Variants in TDRD3 observed in about 807,000 individuals in gnomAD.
TDRD3 encodes tudor domain containing 3.
In TDRD3, 45 loss-of-function variants were observed where a neutral mutation model predicts 86.7. That is an observed-to-expected ratio of 0.52 (90% CI 0.41 to 0.67). The LOEUF is 0.67. Among genes scored for constraint, TDRD3 ranks in the 30% least tolerant of loss-of-function variants. The pLI is 0.00. For missense variants in TDRD3, 814 were observed against 889.0 expected (o/e 0.92, Z 1.07); for synonymous variants, 298 against 301.7 (o/e 0.99, Z 0.13).
chr13:60,397,216 C>T (rs1045274507), upstream of TDRD3: 17 of 436,154 alleles, frequency 3.9e-5, no homozygotes, highest in African/African-American at 3.3e-4. Context: ...GAAGCGCCGG[C>T]CGCACTGAGC....
chr13:60,497,682 G>C (rs1956747707), intron 8 of TDRD3, among the ~76,000 whole-genome samples: 1 of 152,202 alleles, frequency 6.6e-6, no homozygotes, highest in African/African-American at 2.4e-5. Flanking sequence ...TGAGGGCATT[G>C]GTTGGAAAAG....
intron 5 of TDRD3, among the ~76,000 whole-genome samples, chr13:60,469,454 ACG>A (rs1010472337): frequency 4.6e-5 from 7 of 151,858 alleles, no homozygotes; most frequent in African/African-American, 1.7e-4. Context: ...ACACACACAC[ACG>A]GAGTTTAGTA....
intron 12 of TDRD3, among the ~76,000 whole-genome samples, chr13:60,556,091 C>T (rs1366347511): frequency 6.6e-6 from 1 of 152,116 alleles, no homozygotes; most frequent in Non-Finnish European, 1.5e-5. Flanking sequence ...CGTGATCTGC[C>T]TGCCTCGGCC....
chr13:60,504,020 T>A (rs1956886176), intron 8 of TDRD3, among the ~76,000 whole-genome samples: 1 of 152,216 alleles, frequency 6.6e-6, no homozygotes, highest in Non-Finnish European at 1.5e-5. Context: ...CAATGCTCAA[T>A]TTATGAAAAG....
At chr13:60,460,579 T>G in intron 4 of TDRD3, 39 bp downstream of exon 4, 4 of 1,494,636 alleles carry the variant, frequency 2.7e-6, no homozygotes, top group Non-Finnish European at 3.5e-6. Flanking sequence ...TTACAGAATG[T>G]TGAAGGTGCT....
At chr13:60,499,413 G>A (rs990777892) in intron 8 of TDRD3, among the ~76,000 whole-genome samples, 1 of 152,218 alleles carries the variant, frequency 6.6e-6, no homozygotes, top group South Asian at 2.1e-4. Flanking sequence ...TGGTCCATAA[G>A]GTCCACCCGA....
chr13:60,507,145 C>T (rs1956956182), intron 8 of TDRD3, among the ~76,000 whole-genome samples: 2 of 152,148 alleles, frequency 1.3e-5, no homozygotes, highest in Admixed American at 1.3e-4. Context: ...GCAAGAAGAG[C>T]TAACTATCCC....
intron 12 of TDRD3, among the ~76,000 whole-genome samples, chr13:60,566,283 A>G (rs922433406): frequency 1.3e-5 from 2 of 151,406 alleles, no homozygotes; most frequent in East Asian, 1.9e-4. Flanking sequence ...TTTTAAGACT[A>G]CTTTGCAGGA....
intron 1 of TDRD3, among the ~76,000 whole-genome samples, chr13:60,401,735 CT>C (rs1423672905): frequency 6.6e-6 from 1 of 152,146 alleles, no homozygotes; most frequent in African/African-American, 2.4e-5. Context: ...CAAAGGTCTC[CT>C]TCTTACCTCT....
chr13:60,428,561 A>G (rs61970125), intron 1 of TDRD3, among the ~76,000 whole-genome samples: 22,883 of 152,252 alleles, frequency 0.15, 2,162 homozygotes, highest in South Asian at 0.28. Context: ...TGTTTATACA[A>G]TAGTGCAGTG....
intron 1 of TDRD3, among the ~76,000 whole-genome samples, chr13:60,415,415 G>A (rs547203119): frequency 4.6e-5 from 7 of 151,676 alleles, no homozygotes; most frequent in South Asian, 2.1e-4. Flanking sequence ...GAATCTTTAC[G>A]CTTCAGCCAA....
At chr13:60,559,854 G>A (rs761439872) in intron 12 of TDRD3, among the ~76,000 whole-genome samples, 5 of 152,146 alleles carry the variant, frequency 3.3e-5, no homozygotes, top group Non-Finnish European at 7.4e-5. Context: ...TGTATTGTAT[G>A]CTTGAAATTT....
intron 1 of TDRD3, 38 bp downstream of exon 1, chr13:60,397,443 G>A: frequency 6.8e-7 from 1 of 1,473,748 alleles, no homozygotes; most frequent in South Asian, 1.3e-5. Context: ...GGCCGCGGGT[G>A]CGGGCCGGGG....
intron 1 of TDRD3, among the ~76,000 whole-genome samples, chr13:60,430,923 A>G (rs1954940235): frequency 6.6e-6 from 1 of 152,150 alleles, no homozygotes; most frequent in African/African-American, 2.4e-5. Flanking sequence ...TATTGAAATA[A>G]TGCTGAAAAT....
chr13:60,541,430 G>C (rs1490538250), intron 12 of TDRD3, among the ~76,000 whole-genome samples: 1 of 152,052 alleles, frequency 6.6e-6, no homozygotes. Context: ...GCCTCCGAAA[G>C]TGCTGGGATT....
At chr13:60,433,581 G>A (rs1955007853) in intron 1 of TDRD3, among the ~76,000 whole-genome samples, 1 of 152,200 alleles carries the variant, frequency 6.6e-6, no homozygotes, top group African/African-American at 2.4e-5. Flanking sequence ...AACACTGTAT[G>A]TCAGAGACAA....
chr13:60,432,885 A>T (rs1238601473), intron 1 of TDRD3, among the ~76,000 whole-genome samples: 4 of 152,070 alleles, frequency 2.6e-5, no homozygotes, highest in African/African-American at 9.7e-5. Context: ...TTTGGATATC[A>T]TGTGCGGGGG....
chr13:60,533,219 C>T (rs943511375), intron 11 of TDRD3, among the ~76,000 whole-genome samples: 28 of 152,146 alleles, frequency 1.8e-4, no homozygotes, highest in African/African-American at 6.8e-4. Flanking sequence ...TCACTTAATA[C>T]CTTTGTAATA....
At chr13:60,551,239 T>C (rs1386918984) in intron 12 of TDRD3, among the ~76,000 whole-genome samples, 2 of 152,212 alleles carry the variant, frequency 1.3e-5, no homozygotes, top group East Asian at 3.8e-4. Flanking sequence ...AGATATAGAA[T>C]ATTTTTTAAC....
Sources: allele counts gnomAD v4.1 joint callset (sites outside exome capture counted in the v4.1 genomes callset), GRCh38; gene constraint gnomAD v4.1.1; transcripts MANE v1.5; gene names NCBI Gene and HGNC (gene_info 2026-07-23, HGNC 2026-07-21).